Variants in TICRR observed in about 807,000 individuals in gnomAD.
TICRR encodes the protein TOPBP1 interacting checkpoint and replication regulator, also known as treslin.
TICRR carries 132 observed loss-of-function variants against 178.1 expected under a neutral mutation model. That is an observed-to-expected ratio of 0.74 (90% CI 0.64 to 0.86). The LOEUF is 0.86. TICRR is among the 40% of genes least tolerant of loss of function. TICRR has a pLI of 0.00. For synonymous variants in TICRR, 991 were observed against 900.7 expected (o/e 1.10, Z -1.79); for missense variants, 2,587 against 2,334.3 (o/e 1.11, Z -2.23).
intron 9 of TICRR, among the ~76,000 whole-genome samples, chr15:89,600,988 G>T (rs1209266601): frequency 7.0e-6 from 1 of 142,978 alleles, no homozygotes; most frequent in Non-Finnish European, 1.5e-5. Flanking sequence ...CAAGACTACT[G>T]TGAGCTATGA....
intron 16 of TICRR, 100 bp from the exon 17 acceptor site, chr15:89,618,052 G>A: frequency 8.3e-7 from 1 of 1,211,510 alleles, no homozygotes; most frequent in Non-Finnish European, 1.2e-6. Flanking sequence ...ATCAGACCCT[G>A]TGATCTTTGT....
In TICRR at chr15:89,584,289, G is replaced by A; in HGVS notation, c.938G>A (p.Gly313Asp). 6.3e-7 allele frequency: 1 copy of A among 1,597,600 alleles called. No individual in the cohort carries two copies. The highest frequency in any genetic ancestry group is 1.1e-5 in the South Asian group (1 of 88,160). Residue 313 changes from glycine (G) to aspartate (D), a missense_variant, in exon 3 of 22, where the codon GGC becomes GAC. Gly to Asp is a moderately conservative substitution (Grantham distance 94). Transcript: ENST00000268138. ...TCTAATTAATCTTTATTTCTAGCAG[G>A]CAAAGAGATTCAAGAAACATGGACA... ...EGMLFLPVEA[G>D]KEIQETWTVT...
intron 17 of TICRR, 93 bp from the exon 18 acceptor site, chr15:89,619,615 G>T: frequency 7.6e-7 from 1 of 1,323,058 alleles, no homozygotes; most frequent in Non-Finnish European, 1.0e-6. Context: ...CTTATATGTG[G>T]TACTATGTAA....
chr15:89,623,490 T>C (rs144935958), intron 19 of TICRR, 133 bp from the exon 20 acceptor site: 12,666 of 977,368 alleles, frequency 0.013, 122 homozygotes, highest in Non-Finnish European at 0.017. Flanking sequence ...CGGGTCACTA[T>C]TTGAGATTTC....
At position 89,592,100 on chromosome 15, in the gene TICRR, A is replaced by C; in HGVS notation, c.1465A>C (p.Ser489Arg). Reference sequence around the variant, plus strand: ...GGAGCTTGGCCACACCACTCCCTGGAGTCCAGCTGTTGTGGAAAAGTGGTT... The same window carrying C: ...GGAGCTTGGCCACACCACTCCCTGGCGTCCAGCTGTTGTGGAAAAGTGGTT... ...QQELGHTTPW[S>R]PAVVEKWFPF... is the part of the protein sequence containing the mutation. Residue 489 changes from serine to arginine, a missense_variant, in exon 5 of 22, where the codon AGT becomes CGT. Physicochemically the swap from Ser to Arg is moderately radical, Grantham distance 110. Transcript: ENST00000268138. 1 of 1,612,810 alleles carries C rather than the reference A, an allele frequency of 6.2e-7. No individual in the cohort carries two copies. The highest frequency in any genetic ancestry group is 8.5e-7 in the Non-Finnish European group (1 of 1,178,874).
intron 4 of TICRR, 166 bp from the exon 5 acceptor site, chr15:89,591,881 C>T: frequency 6.1e-6 from 3 of 491,670 alleles, no homozygotes; most frequent in Non-Finnish European, 1.1e-5. Context: ...TTATTTACCA[C>T]ATAGGCCTGT....
chr15:89,617,552 T>C (rs987230174), intron 16 of TICRR, among the ~76,000 whole-genome samples: 1 of 152,210 alleles, frequency 6.6e-6, no homozygotes, highest in Non-Finnish European at 1.5e-5. Context: ...AGTAGGAATC[T>C]CACTCTGTCA....
intron 7 of TICRR, among the ~76,000 whole-genome samples, chr15:89,598,696 G>A (rs1272051126): frequency 6.6e-6 from 1 of 151,936 alleles, no homozygotes; most frequent in Non-Finnish European, 1.5e-5. Flanking sequence ...CTTAAACTTG[G>A]TATACAGAGC....
At chr15:89,618,119 A>G (rs1596056618) in intron 16 of TICRR, 33 bp from the exon 17 acceptor site, 2 of 1,608,082 alleles carry the variant, frequency 1.2e-6, no homozygotes, top group South Asian at 2.2e-5. Flanking sequence ...TACAAGTGGT[A>G]TGGAGTAATC....
chr15:89,602,049 T>G, intron 12 of TICRR, 73 bp downstream of exon 12: 1 of 1,557,058 alleles, frequency 6.4e-7, no homozygotes, highest in Non-Finnish European at 8.7e-7. Context: ...TAAACTACAG[T>G]CCAGTCATCT....
chr15:89,626,126 C>A, intron 21 of TICRR, 65 bp downstream of exon 21: 1 of 1,582,372 alleles, frequency 6.3e-7, no homozygotes, highest in South Asian at 1.2e-5. Context: ...CCAGGGTTGC[C>A]AGGCAGCTCG....
intron 14 of TICRR, 125 bp from the exon 15 acceptor site, chr15:89,608,678 G>T (rs946039389): frequency 1.4e-6 from 1 of 739,522 alleles, no homozygotes; most frequent in Non-Finnish European, 2.0e-6. Flanking sequence ...ATTAGCATAT[G>T]TGACAATAGC....
Position 89,608,692 on chromosome 15 carries a change from C to A in TICRR, c.2723-111C>A, listed in dbSNP as rs1963208843. On this transcript the variant is annotated intron_variant, in intron 14 of 21. Transcript: ENST00000268138. ...TATTAGCATATGTGACAATAGCAATCTGTAGTTTCCTCAAGGAGCTTCTCT... is the reference window on the plus strand; with the variant it reads ...TATTAGCATATGTGACAATAGCAATATGTAGTTTCCTCAAGGAGCTTCTCT... The A allele has an allele frequency of 4.7e-6, 4 of 854,584 alleles. No homozygotes were observed. The Admixed American group carries it at 1.1e-4, about 22-fold the overall frequency. The allele number at this position is 854,584 out of a possible 1,614,324, so 52.9% of individuals were successfully genotyped here.
At chr15:89,604,492 G>T (rs1264093957) in intron 13 of TICRR, among the ~76,000 whole-genome samples, 2 of 152,186 alleles carry the variant, frequency 1.3e-5, no homozygotes, top group Non-Finnish European at 2.9e-5. Flanking sequence ...CAGAATTAAC[G>T]CCTGGGCGCA....
rs1962964552 is a variant in TICRR at position 89,594,514 on chromosome 15, A to G, written c.1641A>G (p.Glu547=). The G allele has an allele frequency of 6.2e-7, 1 of 1,613,302 alleles. No homozygotes were observed. The highest frequency in any genetic ancestry group is 1.3e-5 in the African/African-American group (1 of 74,940). ...LAELYQRKSR[E]ESTIAHQEDS... is the part of the protein sequence containing the mutation. ...AGCTCTACCAGAGAAAATCTCGTGAAGAATCCACTATAGCTCATCAAGAAG... is the reference window on the plus strand; with the variant it reads ...AGCTCTACCAGAGAAAATCTCGTGAGGAATCCACTATAGCTCATCAAGAAG... The change falls in exon 6 of 22, where the codon GAA becomes GAG. Residue 547 remains glutamate, a synonymous_variant. Coordinates refer to ENST00000268138, the MANE Select transcript of TICRR (RefSeq NM_152259.4).
Position 89,575,972 on chromosome 15 carries a change from G to T in TICRR, c.386G>T (p.Ser129Ile), listed in dbSNP as rs1204716326. ...CCCACGAAGCCGATCCTGCGGAGCA[G>T]CGGGAGGAGACTGCTGGACGTGGAG... ...TSPTKPILRS[S>I]GRRLLDVESE... Residue 129 changes from serine to isoleucine, a missense_variant, in exon 1 of 22, where the codon AGC (serine) becomes ATC (isoleucine). Physicochemically the swap from Ser to Ile is moderately radical, Grantham distance 142. Transcript: ENST00000268138. The T allele has an allele frequency of 7.5e-6, 12 of 1,604,890 alleles. No individual in the cohort carries two copies. The highest frequency in any genetic ancestry group is 2.2e-5 in the East Asian group (1 of 44,554).
chr15:89,605,154 G>A (rs915687515), intron 13 of TICRR, among the ~76,000 whole-genome samples: 4 of 152,208 alleles, frequency 2.6e-5, no homozygotes, highest in Non-Finnish European at 5.9e-5. Context: ...TAAAGGGCCA[G>A]ATAGTAGATG....
chr15:89,584,376 T>C lies in TICRR; in HGVS notation c.1025T>C (p.Leu342Pro). 1 of 1,614,180 alleles carries C rather than the reference T, an allele frequency of 6.2e-7. No homozygotes were observed. The highest frequency in any genetic ancestry group is 2.2e-5 in the East Asian group (1 of 44,884). The change falls in exon 3 of 22, where the codon CTA becomes CCA. Residue 342 changes from leucine (L) to proline (P), a missense_variant. Physicochemically the swap from Leu to Pro is moderately conservative, Grantham distance 98. Transcript: ENST00000268138. ...RHFQKPVRIF[L>P]KGSVAQWSLP... is the part of the protein sequence containing the mutation. ...TTTCAGAAACCAGTCAGAATTTTTC[T>C]AAAAGGCTCAGTGGCCCAGTGGTCT...
intron 5 of TICRR, 110 bp from the exon 6 acceptor site, chr15:89,594,305 G>A (rs1041271674): frequency 2.2e-6 from 2 of 897,652 alleles, no homozygotes; most frequent in African/African-American, 3.4e-5. Context: ...ATCTTGTGGG[G>A]ACATCTTTTT....
Sources: gnomAD v4.1 joint callset for allele counts (sites outside exome capture counted in the v4.1 genomes callset) on GRCh38, gnomAD v4.1.1 for gene constraint, MANE v1.5 for transcripts, NCBI Gene and HGNC (gene_info 2026-07-23, HGNC 2026-07-21) for gene names.